The following SPTA1 variants were observed in gnomAD, a reference collection of about 807,000 sequenced individuals.
The protein encoded by SPTA1 is spectrin alpha chain, erythrocytic 1.
A neutral mutation model predicts 324.7 loss-of-function variants in SPTA1; 177 were observed. The ratio of observed to expected loss-of-function variants is 0.55; its 90% CI spans 0.48 to 0.62. SPTA1 has a LOEUF of 0.62. Among genes scored for constraint, SPTA1 ranks in the 20% least tolerant of loss-of-function variants. The pLI, the probability that SPTA1 is intolerant of heterozygous loss-of-function variation, is 0.00. For synonymous variants in SPTA1, 1,195 were observed against 1,041.3 expected (o/e 1.15, Z -2.84); for missense variants, 3,162 against 2,883.6 (o/e 1.10, Z -2.21).
rs2101761033 is a variant in SPTA1, at chr1:158,620,458, G to A, written c.6129C>T (p.Asp2043=). 1.2e-6 allele frequency: 2 copies of A among 1,612,700 alleles called. No individual in the cohort carries two copies. The highest frequency in any genetic ancestry group is 1.7e-6 in the Non-Finnish European group (2 of 1,180,004). ...EKQLPLQKAE[D]LFVEFAHKAS... Reference sequence around the variant, plus strand: ...CCTTATGTGCAAATTCCACGAACAGGTCCTCAGCCTGCAGAGAGAAAAAAA... The same window carrying A: ...CCTTATGTGCAAATTCCACGAACAGATCCTCAGCCTGCAGAGAGAAAAAAA... The change falls in exon 44 of 52, where the codon GAC becomes GAT. Residue 2043 remains aspartate, a synonymous_variant. Coordinates refer to ENST00000643759, the MANE Select transcript of SPTA1 (RefSeq NM_003126.4).
chr1:158,665,257 A>C (rs541672991), intron 16 of SPTA1, among the ~76,000 whole-genome samples: 1 of 152,284 alleles, frequency 6.6e-6, no homozygotes, highest in East Asian at 1.9e-4. Context: ...CTCCGGGTAG[A>C]TTTCAGAGCT....
chr1:158,678,335 A>T, intron 6 of SPTA1, 66 bp downstream of exon 6: 1 of 1,600,888 alleles, frequency 6.2e-7, no homozygotes, highest in South Asian at 1.1e-5. Context: ...GAAAGAGCCT[A>T]ATACAAAGAC....
At chr1:158,616,343 T>G (rs1649556473) in intron 47 of SPTA1, among the ~76,000 whole-genome samples, 1 of 152,212 alleles carries the variant, frequency 6.6e-6, no homozygotes, top group Non-Finnish European at 1.5e-5. Context: ...ATTACTAGTC[T>G]TATTTCTTCT....
chr1:158,686,627 G>A lies in SPTA1; in HGVS notation c.-110C>T, dbSNP rs1486017282. 7.0e-5 allele frequency: 58 copies of A among 826,344 alleles called. No homozygotes were observed. The highest frequency in any genetic ancestry group is 4.8e-4 in the South Asian group (33 of 68,048). The allele number at this position is 826,344 out of a possible 1,614,324, so 51.2% of individuals were successfully genotyped here. A position where few individuals can be genotyped will look rare whatever the true frequency, so the allele number is the denominator to read the frequency against. On this transcript the variant is annotated 5_prime_UTR_variant, in exon 1 of 52. The change creates a new upstream start codon in the 5' untranslated region. Transcript: ENST00000643759. ...CGAATTCAAATAGAAATATAGAAACGTTAAGTATGTGGGGGAAAAAAAAAA... is the reference window on the plus strand; with the variant it reads ...CGAATTCAAATAGAAATATAGAAACATTAAGTATGTGGGGGAAAAAAAAAA...
chr1:158,654,170 C>T (rs1262453152), intron 21 of SPTA1, among the ~76,000 whole-genome samples: 1 of 152,072 alleles, frequency 6.6e-6, no homozygotes, highest in Admixed American at 6.5e-5. Flanking sequence ...CACTGTTCTT[C>T]CAGGCACAAG....
intron 5 of SPTA1, among the ~76,000 whole-genome samples, chr1:158,679,793 A>G (rs1189106967): frequency 6.6e-6 from 1 of 152,166 alleles, no homozygotes; most frequent in African/African-American, 2.4e-5. Flanking sequence ...TAAATGAAAA[A>G]CTTCCACAGC....
chr1:158,677,869 A>T (rs1417898396), intron 6 of SPTA1, 35 bp from the exon 7 acceptor site: 1 of 1,613,128 alleles, frequency 6.2e-7, no homozygotes, highest in Admixed American at 1.7e-5. Context: ...ACCAAAGAAG[A>T]TAGCAAGCAT....
rs199685020 is a variant in SPTA1 at position 158,647,594 on chromosome 1, G to A, written c.3841C>T (p.Arg1281Cys). Reference sequence around the variant, plus strand: ...TGGGCCTCATTTAGGCTCTCCTTACGATCCTTTGTACGCCCCTGCAGGTCT... The same window carrying A: ...TGGGCCTCATTTAGGCTCTCCTTACAATCCTTTGTACGCCCCTGCAGGTCT... ...WEDLQGRTKD[R>C]KESLNEAQKF... is the part of the protein sequence containing the mutation. The change falls in exon 27 of 52, where the codon CGT becomes TGT. Residue 1281 changes from arginine (R) to cysteine (C), a missense_variant. Arg to Cys is a radical substitution (Grantham distance 180). Coordinates refer to ENST00000643759, the MANE Select transcript of SPTA1 (RefSeq NM_003126.4). The A allele has an allele frequency of 4.4e-4, 715 of 1,613,696 alleles. No homozygotes were observed. The highest frequency in any genetic ancestry group is 5.7e-4 in the Non-Finnish European group (677 of 1,179,920).
intron 4 of SPTA1, 61 bp downstream of exon 4, chr1:158,681,466 A>C: frequency 3.7e-6 from 6 of 1,611,292 alleles, no homozygotes; most frequent in Non-Finnish European, 5.1e-6. Context: ...GTAATTTGCT[A>C]TGGGGTACCT....
intron 3 of SPTA1, among the ~76,000 whole-genome samples, 198 bp from the exon 4 acceptor site, chr1:158,681,865 A>G (rs1234320869): frequency 6.6e-6 from 1 of 152,232 alleles, no homozygotes; most frequent in African/African-American, 2.4e-5. Flanking sequence ...GCGATCTTAC[A>G]TAAGAGAACA....
Position 158,657,558 on chromosome 1 carries a change from C to A in SPTA1, c.2724G>T (p.Leu908=). Residue 908 remains leucine (L), a synonymous_variant, in exon 19 of 52, where the codon CTG becomes CTT. Transcript: ENST00000643759. The part of the protein sequence containing the change: ...NVQFQQYLAD[L]HEAETWIREK... ...CTCTGATCCATGTTTCTGCTTCATGCAGGTCAGCCAGGTACTGCTGGAACT... is the reference window on the plus strand; with the variant it reads ...CTCTGATCCATGTTTCTGCTTCATGAAGGTCAGCCAGGTACTGCTGGAACT... The A allele has an allele frequency of 6.2e-7, 1 of 1,613,968 alleles. No homozygotes were observed. The highest frequency in any genetic ancestry group is 1.6e-4 in the Middle Eastern group (1 of 6,062).
chr1:158,622,191 C>T (rs1190581700), intron 43 of SPTA1, among the ~76,000 whole-genome samples: 2 of 151,538 alleles, frequency 1.3e-5, no homozygotes, highest in African/African-American at 4.9e-5. Flanking sequence ...TTTTTATGAT[C>T]AACATCCAAT....
chr1:158,675,594 A>G (rs1182183559), intron 8 of SPTA1, among the ~76,000 whole-genome samples: 1 of 152,208 alleles, frequency 6.6e-6, no homozygotes, highest in Admixed American at 6.5e-5. Context: ...CTATATGCCT[A>G]TGATAGAGTT....
intron 2 of SPTA1, among the ~76,000 whole-genome samples, chr1:158,684,539 CACCCCG>C (rs2101955802): frequency 6.6e-6 from 1 of 152,156 alleles, no homozygotes; most frequent in South Asian, 2.1e-4. Context: ...TTGCAAATAA[CACCCCG>C]ATGTTTATGA....
At chr1:158,623,333 G>T in intron 42 of SPTA1, 141 bp from the exon 43 acceptor site, 1 of 804,570 alleles carries the variant, frequency 1.2e-6, no homozygotes, top group Non-Finnish European at 2.2e-6. Context: ...ATAACTTAGA[G>T]ATGTAAGCAA....
intron 4 of SPTA1, 95 bp from the exon 5 acceptor site, chr1:158,680,824 T>C: frequency 6.6e-7 from 1 of 1,515,436 alleles, no homozygotes; most frequent in Non-Finnish European, 9.1e-7. Context: ...CCAGGATAAC[T>C]CAAATGGAGA....
At position 158,618,059 on chromosome 1, in the gene SPTA1, G is replaced by A; in HGVS notation, c.6531-3C>T. 1 of 1,611,574 alleles carries A rather than the reference G, an allele frequency of 6.2e-7. No individual in the cohort carries two copies. On this transcript the variant is annotated splice_region_variant and splice_polypyrimidine_tract_variant and intron_variant, in intron 45 of 51. Transcript: ENST00000643759. Reference sequence around the variant, plus strand: ...CTGACCCATCCAGAAAGTAAGCCCTGGACATGGAGGTCCGGAACAGGAATC... The same window carrying A: ...CTGACCCATCCAGAAAGTAAGCCCTAGACATGGAGGTCCGGAACAGGAATC...
At chr1:158,662,644 C>T in intron 17 of SPTA1, 58 bp downstream of exon 17, 1 of 1,611,494 alleles carries the variant, frequency 6.2e-7, no homozygotes, top group South Asian at 1.1e-5. Flanking sequence ...CCAGATCTCT[C>T]TCAATATATA....
chr1:158,616,402 A>C (rs963755527), intron 47 of SPTA1, among the ~76,000 whole-genome samples: 1 of 151,734 alleles, frequency 6.6e-6, no homozygotes, highest in African/African-American at 2.4e-5. Context: ...TCATTCCTCT[A>C]TCTCCCCCTA....
Sources: gnomAD v4.1 joint callset for allele counts (sites outside exome capture counted in the v4.1 genomes callset) on GRCh38, gnomAD v4.1.1 for gene constraint, MANE v1.5 for transcripts, NCBI Gene and HGNC (gene_info 2026-07-23, HGNC 2026-07-21) for gene names.